SLIT1: variants seen among roughly 807,000 people sequenced by gnomAD.
SLIT1 encodes slit homolog 1 protein.
Under a neutral mutation model 186.1 loss-of-function variants are expected in SLIT1, and 66 were observed. The observed-to-expected ratio is 0.35, with a 90% CI of 0.29 to 0.44. SLIT1 has a LOEUF of 0.44. Among genes scored for constraint, SLIT1 ranks in the 20% least tolerant of loss-of-function variants. SLIT1 has a pLI of 1.00. For synonymous variants in SLIT1, 761 were observed against 833.8 expected, an observed-to-expected ratio of 0.91 and a Z score of 1.50; for missense variants, 1,638 against 2,037.4, an observed-to-expected ratio of 0.80 and a Z score of 3.77.
intron 25 of SLIT1, among the ~76,000 whole-genome samples, chr10:97,026,751 G>A (rs1454237476): frequency 1.3e-5 from 2 of 152,188 alleles, no homozygotes; most frequent in Non-Finnish European, 2.9e-5. Context: ...CTGAATGGAA[G>A]ATGAGTTAAC....
chr10:97,148,500 G>C (rs2784927), intron 4 of SLIT1, among the ~76,000 whole-genome samples: 1 of 151,530 alleles, frequency 6.6e-6, no homozygotes, highest in Non-Finnish European at 1.5e-5. Flanking sequence ...GGCTGGCCTC[G>C]AACTCCTGGC....
chr10:97,120,577 C>A (rs1849552116), intron 4 of SLIT1, among the ~76,000 whole-genome samples: 1 of 152,196 alleles, frequency 6.6e-6, no homozygotes, highest in African/African-American at 2.4e-5. Context: ...CGGCTCTGAG[C>A]GGCGGCGCAG....
intron 4 of SLIT1, among the ~76,000 whole-genome samples, chr10:97,082,011 G>T (rs976368885): frequency 3.3e-5 from 5 of 152,242 alleles, no homozygotes; most frequent in African/African-American, 1.2e-4. Flanking sequence ...AGACAGGATA[G>T]CTCCTCTATG....
At chr10:97,058,099 A>T in intron 11 of SLIT1, 1 of 716,836 alleles carries the variant, frequency 1.4e-6, no homozygotes, top group Non-Finnish European at 2.6e-6. Context: ...TGACGGGGCC[A>T]GTGTGGCTGG....
chr10:97,165,322 T>A (rs1850089901), intron 1 of SLIT1, among the ~76,000 whole-genome samples: 1 of 152,174 alleles, frequency 6.6e-6, no homozygotes, highest in Non-Finnish European at 1.5e-5. Context: ...TAGAAGCAAG[T>A]AAACGGCATA....
chr10:97,100,108 G>A (rs1316289768), intron 4 of SLIT1, among the ~76,000 whole-genome samples: 1 of 152,204 alleles, frequency 6.6e-6, no homozygotes, highest in Non-Finnish European at 1.5e-5. Context: ...GTCAGGAAGT[G>A]TTCTAGTGTT....
At chr10:97,167,982 C>T (rs911582830) in intron 1 of SLIT1, among the ~76,000 whole-genome samples, 2 of 152,154 alleles carry the variant, frequency 1.3e-5, no homozygotes, top group African/African-American at 4.8e-5. Context: ...TACCCAGTCT[C>T]GGGTATGTCT....
intron 13 of SLIT1, among the ~76,000 whole-genome samples, chr10:97,054,784 C>A (rs1848822367): frequency 6.6e-6 from 1 of 152,088 alleles, no homozygotes; most frequent in South Asian, 2.1e-4. Flanking sequence ...GTGTCTTCAA[C>A]AAATCAGTTA....
chr10:97,087,142 G>A (rs1407566120), intron 4 of SLIT1, among the ~76,000 whole-genome samples: 1 of 150,792 alleles, frequency 6.6e-6, no homozygotes, highest in Non-Finnish European at 1.5e-5. Flanking sequence ...AGATTGACTG[G>A]ACTGGATAAG....
At chr10:97,028,634 C>T (rs1298760728) in intron 25 of SLIT1, among the ~76,000 whole-genome samples, 2 of 152,200 alleles carry the variant, frequency 1.3e-5, no homozygotes, top group Non-Finnish European at 2.9e-5. Flanking sequence ...ATGGTACCTC[C>T]TCTGTGAAGC....
At chr10:97,124,644 T>C (rs574383819) in intron 4 of SLIT1, among the ~76,000 whole-genome samples, 3 of 152,232 alleles carry the variant, frequency 2.0e-5, no homozygotes, top group East Asian at 1.9e-4. Flanking sequence ...GTCTTGAAGG[T>C]ACCCCCATGT....
intron 26 of SLIT1, among the ~76,000 whole-genome samples, chr10:97,020,835 C>A (rs1848496377): frequency 6.6e-6 from 1 of 152,252 alleles, no homozygotes; most frequent in African/African-American, 2.4e-5. Context: ...CAGTGACACT[C>A]CAGCTCTGTA....
Position 97,047,734 on chromosome 10 carries a change from C to A in SLIT1, c.1590G>T (p.Lys530Asn). The change falls in exon 16 of 37, where the codon AAG (lysine) becomes AAT (asparagine). Residue 530 changes from lysine to asparagine, a missense_variant. This residue lies in a region of SLIT1 where 1,245 missense variants were observed against 1,535.3 expected (regional missense o/e 0.81). Transcript: ENST00000266058. The stretch of plus-strand genomic sequence containing the variant: ...GGATGCGCTCAGGGATCTTGGTGAG[C>A]TTCAGGCTGGAGCACTCCACCACGT... ...EANVVECSSL[K>N]LTKIPERIPQ... 1 of 1,614,042 alleles carries A rather than the reference C, an allele frequency of 6.2e-7. No individual in the cohort carries two copies. The highest frequency in any genetic ancestry group is 1.1e-5 in the South Asian group (1 of 91,088).
chr10:97,026,485 TAAATAAATA>T (rs1469592008), intron 25 of SLIT1, among the ~76,000 whole-genome samples: 3 of 151,270 alleles, frequency 2.0e-5, no homozygotes, highest in Non-Finnish European at 4.4e-5. Context: ...AATAAATAAA[TAAATAAATA>T]AATAAATGTG....
chr10:97,018,315 G>C (rs1027168258), intron 28 of SLIT1, among the ~76,000 whole-genome samples: 1 of 152,270 alleles, frequency 6.6e-6, no homozygotes, highest in Non-Finnish European at 1.5e-5. Context: ...TCCAAGCCCT[G>C]CTCAACCCTG....
intron 14 of SLIT1, among the ~76,000 whole-genome samples, chr10:97,048,379 C>T (rs1848755521): frequency 6.6e-6 from 1 of 152,202 alleles, no homozygotes; most frequent in African/African-American, 2.4e-5. Context: ...ACTACAATTG[C>T]TAAGGCTGTT....
At chr10:97,093,439 C>A (rs374694497) in intron 4 of SLIT1, among the ~76,000 whole-genome samples, 29 of 152,332 alleles carry the variant, frequency 1.9e-4, no homozygotes, top group African/African-American at 7.0e-4. Context: ...CCAGAAAAAT[C>A]TCTTTGAAGG....
intron 4 of SLIT1, among the ~76,000 whole-genome samples, chr10:97,143,771 T>C (rs1237150649): frequency 6.6e-6 from 1 of 152,198 alleles, no homozygotes; most frequent in Non-Finnish European, 1.5e-5. Flanking sequence ...TAATGCTTCA[T>C]TTACGTACAA....
chr10:97,141,098 C>T (rs1051970264), intron 4 of SLIT1, among the ~76,000 whole-genome samples: 16 of 152,142 alleles, frequency 1.1e-4, no homozygotes, highest in East Asian at 7.7e-4. Context: ...AAAAGCACCC[C>T]GAGGCTATCA....
Sources: allele counts gnomAD v4.1 joint callset (sites outside exome capture counted in the v4.1 genomes callset), GRCh38; gene constraint gnomAD v4.1.1; regional missense constraint gnomAD v4.1.1; transcripts MANE v1.5; gene names NCBI Gene and HGNC (gene_info 2026-07-23, HGNC 2026-07-21).